Variants in CNTN5 observed in about 807,000 individuals in gnomAD.
CNTN5 encodes the protein contactin 5, also known as contactin-5.
In CNTN5, 77 loss-of-function variants were observed where a neutral mutation model predicts 129.1. The observed-to-expected ratio is 0.60, with a 90% CI of 0.50 to 0.72. The LOEUF (loss-of-function observed/expected upper bound fraction) is 0.72. Among genes scored for constraint, CNTN5 ranks in the 30% least tolerant of loss-of-function variants. The pLI, the probability that CNTN5 is intolerant of heterozygous loss-of-function variation, is 0.00. For missense variants in CNTN5, 1,478 were observed against 1,328.8 expected (o/e 1.11, Z -1.75); for synonymous variants, 509 against 465.6 (o/e 1.09, Z -1.20).
At chr11:100,034,721 T>C (rs1941892155) in intron 9 of CNTN5, among the ~76,000 whole-genome samples, 1 of 152,232 alleles carries the variant, frequency 6.6e-6, no homozygotes, top group Non-Finnish European at 1.5e-5. Context: ...CAATAGAGAC[T>C]ATCTGGTCCA....
intron 7 of CNTN5, among the ~76,000 whole-genome samples, chr11:99,937,140 T>A (rs1353600833): frequency 1.3e-5 from 2 of 152,220 alleles, no homozygotes; most frequent in African/African-American, 4.8e-5. Flanking sequence ...CTTTTTCAAA[T>A]GGATTCCTTT....
intron 3 of CNTN5, among the ~76,000 whole-genome samples, chr11:99,633,039 A>G (rs182503283): frequency 6.6e-6 from 1 of 152,148 alleles, no homozygotes; most frequent in Admixed American, 6.5e-5. Flanking sequence ...ATTTTTAGGC[A>G]TGAAGGACTG....
At chr11:99,281,420 T>A (rs1483056110) in intron 1 of CNTN5, among the ~76,000 whole-genome samples, 1 of 152,012 alleles carries the variant, frequency 6.6e-6, no homozygotes, top group Admixed American at 6.6e-5. Context: ...CTGATGTAAG[T>A]GCAAAATCAG....
Position 99,857,062 on chromosome 11 carries a change from C to T in CNTN5, c.577+11800C>T, listed in dbSNP as rs538727478. On this transcript the variant is annotated intron_variant, in intron 6 of 24. Coordinates refer to ENST00000524871, the MANE Select transcript of CNTN5 (RefSeq NM_014361.4). The stretch of plus-strand genomic sequence containing the variant: ...TCTCTCTCTCCCTCCCTCCCTCTCT[C>T]CCTCCCTCCCTCTCTTCCTCTCTCT... 2.7e-5 allele frequency among the ~76,000 whole-genome samples: 4 copies of T among 149,874 alleles called. No homozygotes were observed. The East Asian group carries it at 8.0e-4, about 30-fold the overall frequency.
intron 13 of CNTN5, among the ~76,000 whole-genome samples, chr11:100,166,421 T>A (rs2138385884): frequency 6.6e-6 from 1 of 151,866 alleles, no homozygotes; most frequent in African/African-American, 2.4e-5. Flanking sequence ...CCCTTTGTGT[T>A]TCAGAATATG....
chr11:99,150,138 G>T (rs533908716), intron 1 of CNTN5, among the ~76,000 whole-genome samples: 1 of 152,060 alleles, frequency 6.6e-6, no homozygotes, highest in East Asian at 1.9e-4. Flanking sequence ...TTCCTTTGGT[G>T]ACAATTTACA....
rs146833740 is a variant in CNTN5, at chr11:99,356,153, C to T, written c.-71+30669C>T. On this transcript the variant is annotated intron_variant, in intron 2 of 24. Coordinates refer to ENST00000524871, the MANE Select transcript of CNTN5 (RefSeq NM_014361.4). ...TGTCATGTTTTATATAATTCCAATA[C>T]GGACATTTTTTACACTATATATAAT... Among the ~76,000 whole-genome samples the T allele has an allele frequency of 1.4e-3, 209 of 151,528 alleles. 1 individual carries two copies. The highest frequency in any genetic ancestry group is 4.4e-3 in the African/African-American group (182 of 41,230).
chr11:100,238,435 A>AAAGAAG, intron 16 of CNTN5, among the ~76,000 whole-genome samples: 1 of 146,998 alleles, frequency 6.8e-6, no homozygotes, highest in Non-Finnish European at 1.5e-5. Context: ...AAAAAAGGAG[A>AAAGAAG]AAGAAGAAGG....
At chr11:99,390,713 C>T (rs1257330700) in intron 2 of CNTN5, among the ~76,000 whole-genome samples, 1 of 152,086 alleles carries the variant, frequency 6.6e-6, no homozygotes, top group Non-Finnish European at 1.5e-5. Flanking sequence ...AGCCAATAAA[C>T]TTCGAACATT....
At chr11:99,819,867 G>C (rs1946741624) in intron 4 of CNTN5, 102 bp downstream of exon 4, 2 of 745,208 alleles carry the variant, frequency 2.7e-6, no homozygotes, top group African/African-American at 1.8e-5. Context: ...GTAGGAGAGA[G>C]TGATTGAACT....
At chr11:99,343,332 C>T (rs536973306) in intron 2 of CNTN5, among the ~76,000 whole-genome samples, 1 of 152,254 alleles carries the variant, frequency 6.6e-6, no homozygotes, top group South Asian at 2.1e-4. Flanking sequence ...AGCCTGTGGA[C>T]CAAGACTAGC....
chr11:100,089,882 T>C (rs956534236), intron 13 of CNTN5, among the ~76,000 whole-genome samples: 1 of 151,808 alleles, frequency 6.6e-6, no homozygotes, highest in Non-Finnish European at 1.5e-5. Flanking sequence ...CACCATACAC[T>C]GGAGTGGGTT....
At chr11:99,358,976 G>A (rs1216974971) in intron 2 of CNTN5, among the ~76,000 whole-genome samples, 4 of 152,144 alleles carry the variant, frequency 2.6e-5, no homozygotes, top group Non-Finnish European at 4.4e-5. Flanking sequence ...TAAGTTCTAA[G>A]TGGAAAATTT....
At chr11:99,291,547 CA>C (rs971527308) in intron 1 of CNTN5, among the ~76,000 whole-genome samples, 16 of 151,564 alleles carry the variant, frequency 1.1e-4, no homozygotes, top group Non-Finnish European at 1.5e-4. Context: ...CATGAATCTA[CA>C]AAAAACATGA....
At chr11:99,792,165 T>G (rs1013579714) in intron 3 of CNTN5, among the ~76,000 whole-genome samples, 1 of 152,154 alleles carries the variant, frequency 6.6e-6, no homozygotes, top group Non-Finnish European at 1.5e-5. Flanking sequence ...ATGGTCACTC[T>G]TTCCTCGTTC....
intron 13 of CNTN5, among the ~76,000 whole-genome samples, chr11:100,111,947 T>A (rs1190840266): frequency 2.0e-5 from 3 of 152,248 alleles, no homozygotes; most frequent in African/African-American, 4.8e-5. Flanking sequence ...TTTTCTTATT[T>A]GTTTACACTA....
At chr11:99,411,790 A>G (rs1234433920) in intron 2 of CNTN5, among the ~76,000 whole-genome samples, 1 of 152,164 alleles carries the variant, frequency 6.6e-6, no homozygotes, top group Non-Finnish European at 1.5e-5. Flanking sequence ...AAATTTCTAA[A>G]CTTAGCACTA....
chr11:100,077,336 G>A lies in CNTN5; in HGVS notation c.1580+3042G>A, dbSNP rs150138712. On this transcript the variant is annotated intron_variant, in intron 13 of 24. Coordinates refer to ENST00000524871, the MANE Select transcript of CNTN5 (RefSeq NM_014361.4). ...CACTCATATGATCTACATCAAATAT[G>A]TGCCCCACTCATCCAACCTACAACA... is the stretch of plus-strand genomic sequence containing the variant. Among the ~76,000 whole-genome samples, 254 of 152,246 alleles carry A rather than the reference G, an allele frequency of 1.7e-3. 1 individual carries two copies. The highest frequency in any genetic ancestry group is 2.9e-3 in the Non-Finnish European group (199 of 68,010).
rs1944273671 is a variant in CNTN5, at chr11:100,079,448, A to C, written c.1580+5154A>C. Among the ~76,000 whole-genome samples, 3 of 152,222 alleles carry C rather than the reference A, an allele frequency of 2.0e-5. No individual in the cohort carries two copies. In the South Asian group the frequency reaches 6.2e-4, roughly 32 times the overall value. On this transcript the variant is annotated intron_variant, in intron 13 of 24. Coordinates refer to ENST00000524871, the MANE Select transcript of CNTN5 (RefSeq NM_014361.4). The stretch of plus-strand genomic sequence containing the variant: ...ACTATTCTTTGTTCATCAGAGCCCC[A>C]AACCTGTCGTCATTTATTCCTGGCA...
Sources: gnomAD v4.1 joint callset for allele counts (sites outside exome capture counted in the v4.1 genomes callset) on GRCh38, gnomAD v4.1.1 for gene constraint, MANE v1.5 for transcripts, NCBI Gene and HGNC (gene_info 2026-07-23, HGNC 2026-07-21) for gene names.